Variants in TAFA1 observed in about 807,000 individuals in gnomAD.
TAFA1 encodes the protein chemokine-like protein TAFA-1.
TAFA1 carries 4 observed loss-of-function variants against 18.5 expected under a neutral mutation model. That is an observed-to-expected ratio of 0.22 (90% CI 0.11 to 0.49). The LOEUF is 0.49. TAFA1 is among the 20% of genes least tolerant of loss of function. The pLI is 0.98. For missense variants in TAFA1, 147 were observed against 169.0 expected (o/e 0.87, Z 0.72); for synonymous variants, 56 against 55.2 (o/e 1.01, Z -0.06).
At chr3:68,186,655 C>T (rs2066275833) in intron 2 of TAFA1, among the ~76,000 whole-genome samples, 1 of 152,044 alleles carries the variant, frequency 6.6e-6, no homozygotes, top group Admixed American at 6.6e-5. Flanking sequence ...CTGTAGGTAT[C>T]TCTACCTGTC....
At chr3:68,368,564 A>G (rs1255892624) in intron 2 of TAFA1, among the ~76,000 whole-genome samples, 3 of 106,260 alleles carry the variant, frequency 2.8e-5, no homozygotes, top group African/African-American at 7.4e-5. Context: ...CACTAACCAG[A>G]GGCCATCTTG....
chr3:68,111,226 A>G (rs1163216399), intron 2 of TAFA1, among the ~76,000 whole-genome samples: 1 of 152,206 alleles, frequency 6.6e-6, no homozygotes, highest in African/African-American at 2.4e-5. Context: ...GGGTAGGTGC[A>G]ATCTACTAGT....
At chr3:68,028,034 T>G (rs897628249) in intron 2 of TAFA1, among the ~76,000 whole-genome samples, 2 of 152,144 alleles carry the variant, frequency 1.3e-5, no homozygotes, top group African/African-American at 2.4e-5. Flanking sequence ...AGCAGTATAG[T>G]TCAATAGAAA....
In TAFA1 at chr3:68,417,190, T is replaced by C. The variant is rs17047663; in HGVS notation, c.119-90T>C. On this transcript the variant is annotated intron_variant, in intron 2 of 4. Coordinates refer to ENST00000478136, the MANE Select transcript of TAFA1 (RefSeq NM_213609.4). ...AAACTGTTTCTATAATTTCAATTAC[T>C]TTCCTCAACCCCGCTACATGCACTC... The C allele has an allele frequency of 6.1e-3, 6,363 of 1,039,224 alleles. 165 individuals carry two copies. Among genetic ancestry groups the C allele is most frequent in the African/African-American group, 0.048 (2,966 of 62,432 alleles). 64.4% of individuals were successfully genotyped at this position (1,039,224 alleles called of 1,614,324 possible).
intron 3 of TAFA1, among the ~76,000 whole-genome samples, chr3:68,455,862 C>A (rs2071653840): frequency 6.6e-6 from 1 of 152,128 alleles, no homozygotes; most frequent in South Asian, 2.1e-4. Context: ...TCACTGTGTT[C>A]TCTCTCAGGG....
chr3:68,276,333 A>G (rs569304494), intron 2 of TAFA1, among the ~76,000 whole-genome samples: 1 of 152,290 alleles, frequency 6.6e-6, no homozygotes, highest in Admixed American at 6.5e-5. Context: ...ATTTAGTGGC[A>G]TCGTTAGTCG....
chr3:68,212,540 G>A (rs1331635148), intron 2 of TAFA1, among the ~76,000 whole-genome samples: 2 of 151,966 alleles, frequency 1.3e-5, no homozygotes, highest in African/African-American at 2.4e-5. Flanking sequence ...CCTGCAATGA[G>A]CAGTCACTTT....
At chr3:68,042,910 C>T (rs138763675) in intron 2 of TAFA1, among the ~76,000 whole-genome samples, 19 of 151,960 alleles carry the variant, frequency 1.3e-4, no homozygotes, top group Admixed American at 2.0e-4. Flanking sequence ...TTTTTTGAGA[C>T]GGGGTCTTGC....
At chr3:68,056,185 C>T (rs796659409) in intron 2 of TAFA1, among the ~76,000 whole-genome samples, 6 of 152,254 alleles carry the variant, frequency 3.9e-5, no homozygotes, top group African/African-American at 1.4e-4. Context: ...TCATAGCACA[C>T]CATTCCACTC....
chr3:68,264,939 T>C (rs1272089225), intron 2 of TAFA1, among the ~76,000 whole-genome samples: 1 of 152,170 alleles, frequency 6.6e-6, no homozygotes, highest in Non-Finnish European at 1.5e-5. Context: ...TAAGATTTTA[T>C]TGATAACTAT....
chr3:68,155,498 G>C (rs2065857667), intron 2 of TAFA1, among the ~76,000 whole-genome samples: 1 of 152,122 alleles, frequency 6.6e-6, no homozygotes, highest in Non-Finnish European at 1.5e-5. Flanking sequence ...TTCAGATGGA[G>C]CCATGTCTCA....
chr3:68,478,243 GAGA>G (rs2072142429), intron 3 of TAFA1, among the ~76,000 whole-genome samples: 1 of 152,196 alleles, frequency 6.6e-6, no homozygotes. Context: ...TGACAGAGTT[GAGA>G]AGAATTCTCA....
chr3:67,996,423 G>C, the TAFA1 span, among the ~76,000 whole-genome samples: 1 of 152,158 alleles, frequency 6.6e-6, no homozygotes, highest in Non-Finnish European at 1.5e-5. Flanking sequence ...GGGGGATAAA[G>C]AAAGGGCTAT....
At chr3:68,056,578 T>G (rs1190221137) in intron 2 of TAFA1, among the ~76,000 whole-genome samples, 1 of 152,232 alleles carries the variant, frequency 6.6e-6, no homozygotes, top group Admixed American at 6.5e-5. Flanking sequence ...AAAGAAACAT[T>G]ATTAAGCCAG....
At chr3:68,276,884 T>C (rs897480576) in intron 2 of TAFA1, among the ~76,000 whole-genome samples, 1 of 152,186 alleles carries the variant, frequency 6.6e-6, no homozygotes, top group Non-Finnish European at 1.5e-5. Context: ...AGCTGTACCA[T>C]ATAGCTTTCC....
chr3:68,499,446 CTTTTTTTT>C (rs752597708), intron 3 of TAFA1, among the ~76,000 whole-genome samples: 2 of 112,176 alleles, frequency 1.8e-5, no homozygotes, highest in Admixed American at 8.9e-5. Context: ...GTGTTCCTTT[CTTTTTTTT>C]TTTTTTTTTT....
At chr3:68,079,674 G>C (rs2064871576) in intron 2 of TAFA1, among the ~76,000 whole-genome samples, 1 of 152,216 alleles carries the variant, frequency 6.6e-6, no homozygotes. Flanking sequence ...TGTGGTCTGA[G>C]AGACAGTTTG....
chr3:68,312,297 C>G (rs906834607), intron 2 of TAFA1, among the ~76,000 whole-genome samples: 1 of 152,162 alleles, frequency 6.6e-6, no homozygotes, highest in African/African-American at 2.4e-5. Flanking sequence ...ATGCAAAATT[C>G]TCCAGCAGGC....
intron 2 of TAFA1, among the ~76,000 whole-genome samples, chr3:68,100,973 C>T (rs1312978394): frequency 6.6e-6 from 1 of 152,156 alleles, no homozygotes; most frequent in Non-Finnish European, 1.5e-5. Context: ...GAGGTTTAGA[C>T]ACCTGTTTTG....
Sources: gnomAD v4.1 joint callset for allele counts (sites outside exome capture counted in the v4.1 genomes callset) on GRCh38, gnomAD v4.1.1 for gene constraint, MANE v1.5 for transcripts, NCBI Gene and HGNC (gene_info 2026-07-23, HGNC 2026-07-21) for gene names.